CDCA4: variants seen among roughly 807,000 people sequenced by gnomAD.
The protein encoded by CDCA4 is cell division cycle associated 4.
For synonymous variants in CDCA4, 130 were observed against 137.0 expected, an observed-to-expected ratio of 0.95 and a Z score of 0.36; for missense variants, 294 against 322.1, an observed-to-expected ratio of 0.91 and a Z score of 0.67.
At chr14:105,013,063 T>C (rs1900549941) in intron 1 of CDCA4, among the ~76,000 whole-genome samples, 2 of 152,240 alleles carry the variant, frequency 1.3e-5, no homozygotes, top group African/African-American at 4.8e-5. Context: ...TCCTGGATCT[T>C]ACCCCAGACC....
intron 1 of CDCA4, among the ~76,000 whole-genome samples, chr14:105,015,676 C>T (rs1224130985): frequency 6.6e-6 from 1 of 152,176 alleles, no homozygotes; most frequent in Non-Finnish European, 1.5e-5. Flanking sequence ...TCACAGGAGC[C>T]CCACTTCTTT....
At chr14:105,013,403 T>C (rs1211541310) in intron 1 of CDCA4, among the ~76,000 whole-genome samples, 3 of 152,220 alleles carry the variant, frequency 2.0e-5, no homozygotes, top group Non-Finnish European at 4.4e-5. Context: ...ATGATTAAGT[T>C]TCTCTCTTCT....
chr14:105,011,277 G>T lies in CDCA4; in HGVS notation c.653C>A (p.Pro218Gln). The T allele has an allele frequency of 6.2e-7, 1 of 1,613,728 alleles. No homozygotes were observed. Among genetic ancestry groups the T allele is most frequent in the Non-Finnish European group, 8.5e-7 (1 of 1,179,846 alleles). ...EGLEGLAPAT[P>Q]GPSSSCKSDL... The stretch of plus-strand genomic sequence containing the variant: ...GGACTTGCAGCTGGAGCTAGGGCCT[G>T]GGGTGGCCGGAGCCAAGCCCTCGAG... Residue 218 changes from proline (P) to glutamine (Q), a missense_variant, in exon 2 of 2, where the codon CCA becomes CAA. Transcript: ENST00000336219.
chr14:105,017,735 G>A (rs1886120066), intron 1 of CDCA4, among the ~76,000 whole-genome samples: 1 of 152,114 alleles, frequency 6.6e-6, no homozygotes, highest in South Asian at 2.1e-4. Flanking sequence ...GGAGGCTGAG[G>A]CAGGAGAATT....
intron 1 of CDCA4, among the ~76,000 whole-genome samples, chr14:105,020,254 A>T (rs1361081888): frequency 1.3e-5 from 2 of 152,250 alleles, no homozygotes; most frequent in African/African-American, 2.4e-5. Context: ...TTTTGTGAAC[A>T]GGCAATGTTT....
intron 1 of CDCA4, among the ~76,000 whole-genome samples, chr14:105,019,713 G>GTTTTTTTTTTTT (rs143638553): frequency 6.6e-6 from 1 of 151,566 alleles, no homozygotes; most frequent in African/African-American, 2.4e-5. Flanking sequence ...TCAGGTATTT[G>GTTTTTTTTTTTT]GTTTTTTTTG....
chr14:105,020,706 C>A (rs933193109), intron 1 of CDCA4, among the ~76,000 whole-genome samples: 3 of 152,132 alleles, frequency 2.0e-5, no homozygotes, highest in Non-Finnish European at 2.9e-5. Flanking sequence ...TGGGGCCGCC[C>A]GCAGGCCTCG....
At position 105,011,497 on chromosome 14, in the gene CDCA4, C is replaced by T. The variant is rs533359730; in HGVS notation, c.433G>A (p.Ala145Thr). The change falls in exon 2 of 2, where the codon GCC (alanine) becomes ACC (threonine). Residue 145 changes from alanine to threonine, a missense_variant. Physicochemically the swap from Ala to Thr is moderately conservative, Grantham distance 58. Transcript: ENST00000336219. ...TCTCGAGGGCCATCCATCTCCCAGG[C>T]GCTGCTCTGCAGGTGCCTTGGTGCC... is the stretch of plus-strand genomic sequence containing the variant. ...AQAPRHLQSS[A>T]WEMDGPRENR... 1.7e-4 allele frequency: 267 copies of T among 1,614,184 alleles called. No homozygotes were observed. The highest frequency in any genetic ancestry group is 2.2e-4 in the East Asian group (10 of 44,882).
intron 1 of CDCA4, among the ~76,000 whole-genome samples, chr14:105,013,154 G>A (rs1040408006): frequency 5.3e-5 from 8 of 152,194 alleles, no homozygotes; most frequent in South Asian, 2.1e-4. Context: ...TGCACTAGAT[G>A]GACATTGGCC....
intron 1 of CDCA4, among the ~76,000 whole-genome samples, chr14:105,019,544 A>T (rs1207539480): frequency 6.6e-6 from 1 of 152,254 alleles, no homozygotes; most frequent in Non-Finnish European, 1.5e-5. Context: ...ATCATCAACA[A>T]TTTCCATTCC....
chr14:105,011,327 AC>A lies in CDCA4; in HGVS notation c.602del (p.Gly201ValfsTer46). ...LDTVLTGMMG[G>X]ARPGPCEGLE... The stretch of plus-strand genomic sequence containing the variant: ...GCCCTTCGCAGGGGCCCGGCCTGGC[AC>A]CCCCCATCATGCCTGTCAGTACTGT... On this transcript the variant is annotated frameshift_variant, in exon 2 of 2. Transcript: ENST00000336219. LOFTEE classifies it low-confidence loss of function (END_TRUNC). 6.2e-7 allele frequency: 1 copy of A among 1,613,982 alleles called. No homozygotes were observed. The highest frequency in any genetic ancestry group is 8.5e-7 in the Non-Finnish European group (1 of 1,179,992).
At chr14:105,012,088 T>C (rs879522567) in intron 1 of CDCA4, among the ~76,000 whole-genome samples, 153 bp from the exon 2 acceptor site, 48 of 152,210 alleles carry the variant, frequency 3.2e-4, no homozygotes, top group Non-Finnish European at 5.1e-4. Flanking sequence ...CTAACAGAGC[T>C]GAGACGTGGA....
intron 1 of CDCA4, among the ~76,000 whole-genome samples, chr14:105,019,986 G>A (rs1886183645): frequency 6.6e-6 from 1 of 152,240 alleles, no homozygotes; most frequent in Non-Finnish European, 1.5e-5. Flanking sequence ...AAAGTGCTGG[G>A]AGGTGTGAGC....
chr14:105,019,916 G>A (rs551291800), intron 1 of CDCA4, among the ~76,000 whole-genome samples: 10 of 152,318 alleles, frequency 6.6e-5, no homozygotes, highest in African/African-American at 2.2e-4. Flanking sequence ...GTTTCACCAC[G>A]TTGGCCAGCT....
intron 1 of CDCA4, among the ~76,000 whole-genome samples, chr14:105,012,267 C>A (rs890169019): frequency 6.6e-6 from 1 of 152,210 alleles, no homozygotes; most frequent in African/African-American, 2.4e-5. Context: ...TGTAAGTGTT[C>A]GAGAGCTTGG....
Position 105,010,900 on chromosome 14 carries a change from T to C in CDCA4, c.*304A>G, listed in dbSNP as rs997494904. The C allele has an allele frequency of 2.5e-6, 1 of 399,728 alleles. No homozygotes were observed. The highest frequency in any genetic ancestry group is 4.5e-6 in the Non-Finnish European group (1 of 223,496). The allele number at this position is 399,728 out of a possible 1,614,324, so 24.8% of individuals were successfully genotyped here. A position where few individuals can be genotyped will look rare whatever the true frequency, so the allele number is the denominator to read the frequency against. ...CTATCTAAAGGTAAAAGGAGGTTGA[T>C]GCAGCTGCGGCTCACCGTCCTCTAC... On this transcript the variant is annotated 3_prime_UTR_variant, in exon 2 of 2. Transcript: ENST00000336219.
At chr14:105,011,983 C>A (rs533607836) in intron 1 of CDCA4, 48 bp from the exon 2 acceptor site, 2 of 1,544,224 alleles carry the variant, frequency 1.3e-6, no homozygotes, top group Non-Finnish European at 1.7e-6. Context: ...AGACTCTCTG[C>A]GGACAGCGCC....
At chr14:105,014,794 T>C (rs1007541300) in intron 1 of CDCA4, among the ~76,000 whole-genome samples, 2 of 152,220 alleles carry the variant, frequency 1.3e-5, no homozygotes, top group African/African-American at 2.4e-5. Context: ...GAAGTCAATA[T>C]ACCTTTTAGG....
At chr14:105,014,431 A>G (rs1900592353) in intron 1 of CDCA4, among the ~76,000 whole-genome samples, 3 of 152,104 alleles carry the variant, frequency 2.0e-5, no homozygotes, top group South Asian at 4.1e-4. Context: ...ACCCTAGCTT[A>G]TTTCCCCTAC....
Sources: gnomAD v4.1 joint callset for allele counts (sites outside exome capture counted in the v4.1 genomes callset) on GRCh38, gnomAD v4.1.1 for gene constraint, MANE v1.5 for transcripts, NCBI Gene and HGNC (gene_info 2026-07-23, HGNC 2026-07-21) for gene names.